NCALD: variants seen among roughly 807,000 people sequenced by gnomAD.
NCALD encodes neurocalcin delta.
A neutral mutation model predicts 18.6 loss-of-function variants in NCALD; 10 were observed. That is an observed-to-expected ratio of 0.54 (90% CI 0.33 to 0.91). The LOEUF (loss-of-function observed/expected upper bound fraction) is 0.91, where lower values mean the gene tolerates loss of function less well. NCALD is among the 40% of genes least tolerant of loss of function. The probability of loss-of-function intolerance (pLI) is 0.03; values close to 1 mark genes in which losing one functional copy is unlikely to be tolerated. For missense variants in NCALD, 184 were observed against 247.6 expected, an observed-to-expected ratio of 0.74 and a Z score of 1.72; for synonymous variants, 88 against 87.4, an observed-to-expected ratio of 1.01 and a Z score of -0.04.
chr8:102,059,853 T>A (rs966262086), intron 1 of NCALD, among the ~76,000 whole-genome samples: 1 of 152,196 alleles, frequency 6.6e-6, no homozygotes, highest in Non-Finnish European at 1.5e-5. Context: ...TTCTCCAACT[T>A]TGCAGGCATC....
chr8:101,750,343 C>T (rs893810836), intron 1 of NCALD, among the ~76,000 whole-genome samples: 6 of 152,106 alleles, frequency 3.9e-5, no homozygotes, highest in African/African-American at 7.2e-5. Flanking sequence ...TGGAAGAGGC[C>T]GCATCTGGGC....
intron 1 of NCALD, among the ~76,000 whole-genome samples, chr8:101,776,569 CAAACA>C (rs1586473825): frequency 6.6e-6 from 1 of 151,982 alleles, no homozygotes; most frequent in East Asian, 1.9e-4. Context: ...GAAGTTCTAC[CAAACA>C]TCACAACAAG....
At chr8:101,848,816 G>T (rs1265198126) in intron 4 of NCALD, among the ~76,000 whole-genome samples, 6 of 152,042 alleles carry the variant, frequency 3.9e-5, no homozygotes, top group Non-Finnish European at 8.8e-5. Context: ...TAAGACAAAT[G>T]AATAGAATTT....
At chr8:102,060,742 C>A (rs1823820845) in intron 1 of NCALD, among the ~76,000 whole-genome samples, 1 of 152,042 alleles carries the variant, frequency 6.6e-6, no homozygotes, top group Non-Finnish European at 1.5e-5. Flanking sequence ...TCATCTGTGT[C>A]CCGAGTACTT....
chr8:101,929,644 G>C (rs1818497496), intron 2 of NCALD, among the ~76,000 whole-genome samples: 1 of 120,548 alleles, frequency 8.3e-6, no homozygotes, highest in Admixed American at 8.0e-5. Context: ...AAGGAGGCAG[G>C]GAGGGAGGGA....
chr8:101,886,782 G>T (rs1816689675), intron 4 of NCALD, among the ~76,000 whole-genome samples: 1 of 152,118 alleles, frequency 6.6e-6, no homozygotes, highest in Admixed American at 6.5e-5. Flanking sequence ...GGAAAGTAAG[G>T]AGGGGTATAA....
chr8:102,005,205 A>C (rs999651025), intron 2 of NCALD, among the ~76,000 whole-genome samples: 2 of 152,234 alleles, frequency 1.3e-5, no homozygotes, highest in African/African-American at 2.4e-5. Flanking sequence ...CCCCATCAAC[A>C]AGTGGGCGAA....
Position 101,845,385 on chromosome 8 carries a change from A to C in NCALD, c.-20+41756T>G, listed in dbSNP as rs141882446. On this transcript the variant is annotated intron_variant, in intron 4 of 6. Coordinates refer to the NCALD transcript ENST00000311028. The stretch of plus-strand genomic sequence containing the variant: ...TGCATGTGCTCTGTGTGCACTTTTT[A>C]TTATACTTAATTGTACTGAGTTCAT... Among the ~76,000 whole-genome samples the C allele has an allele frequency of 8.9e-3, 1,354 of 152,272 alleles. 9 individuals are homozygous for C. Among genetic ancestry groups the C allele is most frequent in the Non-Finnish European group, 0.014 (937 of 68,006 alleles).
chr8:101,694,491 G>A (rs1357030992), intron 2 of NCALD: 1 of 152,096 alleles, frequency 6.6e-6, no homozygotes, highest in Admixed American at 6.6e-5. Flanking sequence ...CATCCCTCAG[G>A]GATGCTTCTG....
Position 101,889,866 on chromosome 8 carries a change from T to A in NCALD, c.-106-2639A>T, listed in dbSNP as rs76624547. ...AGGAGGAACTATACCCAAAGATTAA[T>A]TCCAGAGGAATTAAAGATTTAGTTG... On this transcript the variant is annotated intron_variant, in intron 3 of 6. Coordinates refer to the NCALD transcript ENST00000311028. Among the ~76,000 whole-genome samples the A allele has an allele frequency of 2.6e-5, 4 of 152,296 alleles. No individual in the cohort carries two copies. In the East Asian group the frequency reaches 7.7e-4, roughly 29 times the overall value.
chr8:101,783,696 T>C (rs1283510488), intron 1 of NCALD, among the ~76,000 whole-genome samples: 3 of 152,312 alleles, frequency 2.0e-5, no homozygotes, highest in South Asian at 2.1e-4. Flanking sequence ...CACTGCACTC[T>C]CCTGCAGGGA....
At chr8:102,020,631 C>T (rs867024657) in intron 1 of NCALD, among the ~76,000 whole-genome samples, 18 of 152,210 alleles carry the variant, frequency 1.2e-4, no homozygotes, top group Middle Eastern at 3.2e-3. Flanking sequence ...ATGCTTGCTT[C>T]ATCTGACTGT....
intron 4 of NCALD, among the ~76,000 whole-genome samples, chr8:101,817,666 A>G (rs1483880035): frequency 6.6e-6 from 1 of 152,144 alleles, no homozygotes; most frequent in Non-Finnish European, 1.5e-5. Flanking sequence ...TTTCAGAATA[A>G]TAACCCTAAA....
At chr8:101,922,812 T>C (rs1412991582) in intron 2 of NCALD, among the ~76,000 whole-genome samples, 1 of 152,202 alleles carries the variant, frequency 6.6e-6, no homozygotes, top group Non-Finnish European at 1.5e-5. Context: ...TACATACCTA[T>C]GATAAGGTTT....
intron 2 of NCALD, among the ~76,000 whole-genome samples, chr8:101,986,940 C>T (rs1334808267): frequency 2.0e-5 from 3 of 152,206 alleles, no homozygotes; most frequent in Non-Finnish European, 4.4e-5. Context: ...GGAGGTGCTG[C>T]TGATGCCCTG....
At chr8:101,890,104 AAC>A (rs1304464624) in intron 3 of NCALD, among the ~76,000 whole-genome samples, 1 of 152,238 alleles carries the variant, frequency 6.6e-6, no homozygotes, top group Non-Finnish European at 1.5e-5. Flanking sequence ...ACAAGTTTGC[AAC>A]ACTTGAAATG....
chr8:101,819,286 T>C (rs1329872133), intron 4 of NCALD, among the ~76,000 whole-genome samples: 2 of 151,030 alleles, frequency 1.3e-5, no homozygotes, highest in Non-Finnish European at 3.0e-5. Context: ...TTTATTTATT[T>C]ATTTATTTAT....
rs529849301 is a variant in NCALD at position 101,714,974 on chromosome 8, G to A, written c.378+4278C>T. Among the ~76,000 whole-genome samples the A allele has an allele frequency of 6.1e-5, 9 of 148,554 alleles. No individual in the cohort carries two copies. The South Asian group carries it at 1.9e-3, about 31-fold the overall frequency. On this transcript the variant is annotated intron_variant, in intron 2 of 3. Coordinates refer to ENST00000220931, the MANE Select transcript of NCALD (RefSeq NM_032041.3). ...ATTGCGCCACTGCAGTCCACAGTCC[G>A]GCCTGGGCGACAGAGCGAGACTCCG...
At chr8:101,707,368 T>C (rs1815576640) in intron 2 of NCALD, among the ~76,000 whole-genome samples, 1 of 152,184 alleles carries the variant, frequency 6.6e-6, no homozygotes, top group Non-Finnish European at 1.5e-5. Flanking sequence ...TGAGTGTGGA[T>C]TAGTCTGTGT....
Sources: gnomAD v4.1 joint callset for allele counts (sites outside exome capture counted in the v4.1 genomes callset) on GRCh38, gnomAD v4.1.1 for gene constraint, MANE v1.5 for transcripts, NCBI Gene and HGNC (gene_info 2026-07-23, HGNC 2026-07-21) for gene names.